The following AMPH variants were observed in gnomAD, a reference collection of about 807,000 sequenced individuals.
AMPH encodes the protein amphiphysin, also known as amphiphysin (Stiff-Mann syndrome with breast cancer 128kD autoantigen).
AMPH carries 49 observed loss-of-function variants against 99.1 expected under a neutral mutation model. That is an observed-to-expected ratio of 0.49 (90% CI 0.39 to 0.63). The LOEUF is 0.63. Ranked by LOEUF, AMPH falls within the 20% of genes least tolerant of loss-of-function variation. The pLI, the probability that AMPH is intolerant of heterozygous loss-of-function variation, is 0.00. For missense variants in AMPH, 759 were observed against 863.4 expected, an observed-to-expected ratio of 0.88 and a Z score of 1.52; for synonymous variants, 314 against 317.3, an observed-to-expected ratio of 0.99 and a Z score of 0.11.
At chr7:38,524,307 C>A (rs1275493211) in intron 2 of AMPH, among the ~76,000 whole-genome samples, 14 of 152,148 alleles carry the variant, frequency 9.2e-5, no homozygotes. Flanking sequence ...TTTAAAGAAA[C>A]TAATGAAACC....
chr7:38,503,508 G>C (rs1231506377), intron 3 of AMPH, 142 bp downstream of exon 3: 2 of 561,596 alleles, frequency 3.6e-6, no homozygotes, highest in Non-Finnish European at 6.1e-6. Flanking sequence ...GGGGGTGGGT[G>C]GTGGAATGGA....
At chr7:38,574,070 T>G (rs942986838) in intron 1 of AMPH, among the ~76,000 whole-genome samples, 3 of 152,226 alleles carry the variant, frequency 2.0e-5, no homozygotes, top group Non-Finnish European at 4.4e-5. Flanking sequence ...GATTTTGATG[T>G]TAAGTATAAG....
intron 1 of AMPH, among the ~76,000 whole-genome samples, chr7:38,554,522 C>G (rs1002336181): frequency 2.6e-5 from 4 of 152,104 alleles, no homozygotes; most frequent in African/African-American, 7.2e-5. Context: ...AAAGATAAGA[C>G]TACAAGAATG....
At chr7:38,437,874 T>C (rs1263877904) in intron 11 of AMPH, among the ~76,000 whole-genome samples, 1 of 152,088 alleles carries the variant, frequency 6.6e-6, no homozygotes. Flanking sequence ...CCTTAGCATA[T>C]CCGTACTCAT....
In AMPH at chr7:38,588,796, A is replaced by T. The variant is rs73692791; in HGVS notation, c.69+42487T>A. Among the ~76,000 whole-genome samples the T allele has an allele frequency of 4.1e-3, 620 of 152,244 alleles. 4 individuals carry two copies. Among genetic ancestry groups the T allele is most frequent in the African/African-American group, 0.014 (596 of 41,538 alleles). ...ATTCTAAATGTTATTATTACTTCCAAACTATCATTATAAAGAAGACTTGTA... is the reference window on the plus strand; with the variant it reads ...ATTCTAAATGTTATTATTACTTCCATACTATCATTATAAAGAAGACTTGTA... On this transcript the variant is annotated intron_variant, in intron 1 of 20. Transcript: ENST00000356264.
At chr7:38,496,138 C>T (rs1338153521) in intron 3 of AMPH, among the ~76,000 whole-genome samples, 1 of 152,172 alleles carries the variant, frequency 6.6e-6, no homozygotes, top group Non-Finnish European at 1.5e-5. Flanking sequence ...AAAAACACAT[C>T]CTGTAAACTT....
intron 2 of AMPH, among the ~76,000 whole-genome samples, chr7:38,513,064 T>C (rs1354628964): frequency 6.6e-6 from 1 of 152,184 alleles, no homozygotes; most frequent in Non-Finnish European, 1.5e-5. Context: ...CACCTACAGG[T>C]TTCCACTATC....
At chr7:38,524,136 T>C (rs891467779) in intron 2 of AMPH, among the ~76,000 whole-genome samples, 2 of 152,146 alleles carry the variant, frequency 1.3e-5, no homozygotes, top group African/African-American at 2.4e-5. Flanking sequence ...TGTAGTAATC[T>C]TCCCAGAAGC....
chr7:38,428,519 A>C (rs1344957816), intron 14 of AMPH: 1 of 456,624 alleles, frequency 2.2e-6, no homozygotes, highest in African/African-American at 2.0e-5. Flanking sequence ...ACACAGTCTC[A>C]CACTGAATTT....
intron 10 of AMPH, among the ~76,000 whole-genome samples, chr7:38,462,281 T>G (rs1302439208): frequency 2.6e-5 from 4 of 152,218 alleles, no homozygotes; most frequent in Non-Finnish European, 5.9e-5. Flanking sequence ...TTTAATGCAT[T>G]TTAACTTGCA....
intron 11 of AMPH, among the ~76,000 whole-genome samples, chr7:38,457,445 C>T (rs1349297771): frequency 6.6e-6 from 1 of 152,156 alleles, no homozygotes; most frequent in Admixed American, 6.5e-5. Context: ...CAACCAGAGG[C>T]TAGATCAAAC....
At chr7:38,534,410 C>T (rs1290381472) in intron 2 of AMPH, among the ~76,000 whole-genome samples, 2 of 152,202 alleles carry the variant, frequency 1.3e-5, no homozygotes, top group Non-Finnish European at 2.9e-5. Flanking sequence ...TGGTAGCTCA[C>T]ACCTGTAATC....
At position 38,533,275 on chromosome 7, in the gene AMPH, A is replaced by C. The variant is rs115877326; in HGVS notation, c.150+1656T>G. On this transcript the variant is annotated intron_variant, in intron 2 of 20. Transcript: ENST00000356264. ...GGAATTCTCTTTTCTACCTTTATTA[A>C]GCCAAAGCTCTCTGTAATATTTGTT... Among the ~76,000 whole-genome samples the C allele has an allele frequency of 8.9e-3, 1,349 of 152,282 alleles. 26 individuals carry two copies. The highest frequency in any genetic ancestry group is 0.031 in the African/African-American group (1,290 of 41,560).
intron 1 of AMPH, among the ~76,000 whole-genome samples, chr7:38,559,366 G>A (rs561193710): frequency 3.3e-4 from 50 of 152,238 alleles, no homozygotes; most frequent in Non-Finnish European, 5.9e-4. Flanking sequence ...TTTTAGGCCG[G>A]AGAACAACAG....
At chr7:38,527,038 G>C (rs1790215606) in intron 2 of AMPH, among the ~76,000 whole-genome samples, 1 of 152,138 alleles carries the variant, frequency 6.6e-6, no homozygotes, top group African/African-American at 2.4e-5. Flanking sequence ...CCACTGAATT[G>C]TTTTTAAACC....
chr7:38,534,821 G>A (rs886870194), intron 2 of AMPH, 110 bp downstream of exon 2: 30 of 872,024 alleles, frequency 3.4e-5, no homozygotes, highest in Middle Eastern at 4.6e-4. Context: ...TCTCAAGTTA[G>A]TGCCAACTCC....
At chr7:38,603,928 A>G (rs1373700091) in intron 1 of AMPH, among the ~76,000 whole-genome samples, 1 of 152,248 alleles carries the variant, frequency 6.6e-6, no homozygotes, top group Non-Finnish European at 1.5e-5. Flanking sequence ...CAAACATGTG[A>G]CTGTGTAATT....
intron 1 of AMPH, among the ~76,000 whole-genome samples, chr7:38,596,049 G>C (rs1193843529): frequency 6.6e-6 from 1 of 152,106 alleles, no homozygotes; most frequent in Non-Finnish European, 1.5e-5. Flanking sequence ...TTTTGGTAGG[G>C]TGATTTATTT....
chr7:38,598,675 C>G (rs1793146060), intron 1 of AMPH, among the ~76,000 whole-genome samples: 1 of 152,240 alleles, frequency 6.6e-6, no homozygotes, highest in Non-Finnish European at 1.5e-5. Flanking sequence ...GTTTATCAGC[C>G]TGTTTCTAAT....
Sources: allele counts gnomAD v4.1 joint callset (sites outside exome capture counted in the v4.1 genomes callset), GRCh38; gene constraint gnomAD v4.1.1; transcripts MANE v1.5; gene names NCBI Gene and HGNC (gene_info 2026-07-23, HGNC 2026-07-21).